Variants in ASIC5 observed in about 807,000 individuals in gnomAD.
ASIC5 encodes acid sensing ion channel subunit family member 5, also known as bile acid-sensitive ion channel.
A neutral mutation model predicts 51.2 loss-of-function variants in ASIC5; 52 were observed. The observed-to-expected ratio is 1.02, with a 90% CI of 0.81 to 1.28. The LOEUF (loss-of-function observed/expected upper bound fraction) is 1.28. Ranked by LOEUF, ASIC5 falls within the 50% of genes most tolerant of loss-of-function variation. The pLI is 0.00. For synonymous variants in ASIC5, 231 were observed against 200.7 expected (o/e 1.15, Z -1.28); for missense variants, 635 against 595.0 (o/e 1.07, Z -0.70).
In ASIC5 at chr4:155,829,958, G is replaced by T; in HGVS notation, c.1416C>A (p.Tyr472Ter). 6.2e-7 allele frequency: 1 copy of T among 1,604,080 alleles called. No homozygotes were observed. The highest frequency in any genetic ancestry group is 8.5e-7 in the Non-Finnish European group (1 of 1,175,150). ...EIIEYLFTNF[Y>*]WICIFFLLKI... is the part of the protein sequence containing the mutation. ...TCAGCAAAAAGAAAATGCATATCCA[G>T]TAGAAATTGGTGAATAGATATTCAA... The change falls in exon 10 of 10, where the codon TAC becomes TAA. Residue 472 changes from tyrosine (Y) to a stop codon, truncating the protein, a stop_gained. Transcript: ENST00000537611. LOFTEE classifies it low-confidence loss of function (END_TRUNC).
chr4:155,854,097 C>A lies in ASIC5; in HGVS notation c.565G>T (p.Gly189Ter). 1.2e-6 allele frequency: 2 copies of A among 1,612,128 alleles called. No individual in the cohort carries two copies. Among genetic ancestry groups the A allele is most frequent in the Non-Finnish European group, 1.7e-6 (2 of 1,179,032 alleles). ...NSTLLDCEFF[G>*]KPCSPKDFAH... is the part of the protein sequence containing the mutation. The stretch of plus-strand genomic sequence containing the variant: ...GTTACCTTTGGGCTACATGGCTTTC[C>A]AAAAAACTCACAGTCCAACAAAGTG... Residue 189 changes from glycine to a stop codon, truncating the protein, a stop_gained, in exon 3 of 10, where the codon GGA becomes TGA. Coordinates refer to ENST00000537611, the MANE Select transcript of ASIC5 (RefSeq NM_017419.3). LOFTEE classifies it high-confidence loss of function.
Position 155,829,997 on chromosome 4 carries a change from C to T in ASIC5, c.1377G>A (p.Thr459=), listed in dbSNP as rs775001623. Residue 459 remains threonine, a synonymous_variant, in exon 10 of 10, where the codon ACG becomes ACA. Coordinates refer to ENST00000537611, the MANE Select transcript of ASIC5 (RefSeq NM_017419.3). The part of the protein sequence containing the change: ...LGLFCGASLI[T]IIEIIEYLFT... The stretch of plus-strand genomic sequence containing the variant: ...ATAGATATTCAATAATTTCTATGAT[C>T]GTGATCAGACTGGCCCCACAAAATA... 3.0e-5 allele frequency: 47 copies of T among 1,593,174 alleles called. No homozygotes were observed. Among genetic ancestry groups the T allele is most frequent in the South Asian group, 4.5e-5 (4 of 87,922 alleles).
intron 2 of ASIC5, among the ~76,000 whole-genome samples, chr4:155,856,371 G>C (rs954467701): frequency 6.6e-6 from 1 of 151,988 alleles, no homozygotes; most frequent in Non-Finnish European, 1.5e-5. Context: ...AGTCAAGGTA[G>C]GGCATACACA....
At chr4:155,860,487 G>C (rs541152391) in intron 2 of ASIC5, among the ~76,000 whole-genome samples, 10 of 151,904 alleles carry the variant, frequency 6.6e-5, no homozygotes, top group East Asian at 5.8e-4. Context: ...TTAATTTGCT[G>C]AGCAATGCTG....
At chr4:155,847,600 T>C (rs1406948011) in intron 4 of ASIC5, among the ~76,000 whole-genome samples, 2 of 152,060 alleles carry the variant, frequency 1.3e-5, no homozygotes, top group African/African-American at 4.8e-5. Flanking sequence ...CGCATGCCTG[T>C]AGTCCCAGCT....
chr4:155,854,390 G>C (rs1741473318), intron 2 of ASIC5, 76 bp from the exon 3 acceptor site: 5 of 1,029,766 alleles, frequency 4.9e-6, no homozygotes, highest in African/African-American at 3.2e-5. Flanking sequence ...CCAACATCTA[G>C]ATTCTATTAG....
intron 2 of ASIC5, among the ~76,000 whole-genome samples, chr4:155,858,132 A>T (rs1461378809): frequency 6.6e-6 from 1 of 152,102 alleles, no homozygotes; most frequent in Non-Finnish European, 1.5e-5. Context: ...ATTTTGTTAT[A>T]AAGATATTTT....
Position 155,863,516 on chromosome 4 carries a change from T to C in ASIC5, c.279A>G (p.Thr93=), listed in dbSNP as rs148954894. ...RLLNYFTWPT[T]TSIEVQYVEK... The stretch of plus-strand genomic sequence containing the variant: ...CCACATATTGAACCTCAATGGACGT[T>C]GTGGTTGGCCATGTGAAGTAGTTGA... The change falls in exon 2 of 10, where the codon ACA becomes ACG. Residue 93 remains threonine (T), a synonymous_variant. Transcript: ENST00000537611. The C allele has an allele frequency of 1.5e-4, 242 of 1,613,636 alleles. No individual in the cohort carries two copies. Among genetic ancestry groups the C allele is most frequent in the Non-Finnish European group, 1.9e-4 (219 of 1,179,850 alleles).
intron 2 of ASIC5, among the ~76,000 whole-genome samples, chr4:155,856,298 T>C (rs1228275332): frequency 6.6e-6 from 1 of 152,122 alleles, no homozygotes; most frequent in East Asian, 1.9e-4. Context: ...CCAACACCCA[T>C]GGCCCCCACA....
chr4:155,841,461 C>G (rs1411362172), intron 6 of ASIC5, among the ~76,000 whole-genome samples: 1 of 152,074 alleles, frequency 6.6e-6, no homozygotes. Context: ...TTCAAGATCA[C>G]CTAGGGGAGA....
chr4:155,851,704 A>G (rs1175274198), intron 4 of ASIC5, among the ~76,000 whole-genome samples: 1 of 152,004 alleles, frequency 6.6e-6, no homozygotes, highest in Non-Finnish European at 1.5e-5. Flanking sequence ...CAGCTTTCCA[A>G]AAGCTGGGCT....
chr4:155,866,152 ATAT>A, intron 1 of ASIC5, 32 bp downstream of exon 1: 1 of 1,413,856 alleles, frequency 7.1e-7, no homozygotes, highest in Non-Finnish European at 9.8e-7. Flanking sequence ...GAAATGAAAA[ATAT>A]TACTGCTCTG....
chr4:155,863,607 AC>A lies in ASIC5; in HGVS notation c.187del (p.Val63CysfsTer14). The A allele has an allele frequency of 6.2e-7, 1 of 1,613,714 alleles. No homozygotes were observed. On this transcript the variant is annotated frameshift_variant, in exon 2 of 10. Coordinates refer to ENST00000537611, the MANE Select transcript of ASIC5 (RefSeq NM_017419.3). LOFTEE classifies it high-confidence loss of function. ...GCCCAGAACCACCACCAACCAGAGC[AC>A]CCTGCGAATTTTGCTCCGGTTCTGA... ...IVQNRSKIRR[V>X]LWLVVVLGSV... is the part of the protein sequence containing the mutation.
At chr4:155,861,529 A>T (rs1741705535) in intron 2 of ASIC5, among the ~76,000 whole-genome samples, 1 of 151,980 alleles carries the variant, frequency 6.6e-6, no homozygotes, top group African/African-American at 2.4e-5. Context: ...ACCTTTTTCC[A>T]TTCTTTTACT....
At chr4:155,839,656 C>T (rs553958289) in intron 6 of ASIC5, among the ~76,000 whole-genome samples, 6 of 151,806 alleles carry the variant, frequency 4.0e-5, no homozygotes, top group East Asian at 1.9e-4. Context: ...TTACAACGTG[C>T]GGACAATTTG....
intron 6 of ASIC5, among the ~76,000 whole-genome samples, chr4:155,841,546 C>A (rs1741121113): frequency 6.6e-6 from 1 of 152,136 alleles, no homozygotes; most frequent in African/African-American, 2.4e-5. Context: ...TCCTTGAATG[C>A]TTGCCTCTCA....
intron 2 of ASIC5, among the ~76,000 whole-genome samples, chr4:155,859,243 G>A (rs537061291): frequency 1.3e-5 from 2 of 151,966 alleles, no homozygotes; most frequent in Non-Finnish European, 2.9e-5. Context: ...ACAAAAATAT[G>A]TCAGTGTCCA....
intron 5 of ASIC5, among the ~76,000 whole-genome samples, chr4:155,843,480 G>A (rs7688756): frequency 0.017 from 2,613 of 152,138 alleles, 73 homozygotes; most frequent in African/African-American, 0.057. Flanking sequence ...GGATTTGATA[G>A]GCTTCCCAGC....
At chr4:155,835,815 C>A (rs1019132172) in intron 8 of ASIC5, among the ~76,000 whole-genome samples, 7 of 152,050 alleles carry the variant, frequency 4.6e-5, no homozygotes, top group African/African-American at 7.2e-5. Context: ...GTTACCTCAG[C>A]GTTTACATGG....
Sources: allele counts gnomAD v4.1 joint callset (sites outside exome capture counted in the v4.1 genomes callset), GRCh38; gene constraint gnomAD v4.1.1; transcripts MANE v1.5; gene names NCBI Gene and HGNC (gene_info 2026-07-23, HGNC 2026-07-21).